The following TTC39C variants were observed in gnomAD, a reference collection of about 807,000 sequenced individuals.
TTC39C encodes tetratricopeptide repeat protein 39C.
Under a neutral mutation model 76.3 loss-of-function variants are expected in TTC39C, and 33 were observed. The ratio of observed to expected loss-of-function variants is 0.43; its 90% CI spans 0.33 to 0.58. The LOEUF is 0.58. Among genes scored for constraint, TTC39C ranks in the 20% least tolerant of loss-of-function variants. The pLI, the probability that TTC39C is intolerant of heterozygous loss-of-function variation, is 0.04. For missense variants in TTC39C, 595 were observed against 701.4 expected, an observed-to-expected ratio of 0.85 and a Z score of 1.71; for synonymous variants, 254 against 260.6, an observed-to-expected ratio of 0.97 and a Z score of 0.24.
chr18:23,996,843 C>T (rs560878812), intron 1 of TTC39C, among the ~76,000 whole-genome samples: 1 of 152,340 alleles, frequency 6.6e-6, no homozygotes, highest in East Asian at 1.9e-4. Flanking sequence ...GGCACAGTGG[C>T]TCACGCCTGT....
chr18:24,119,744 A>T (rs1008519470), intron 8 of TTC39C, among the ~76,000 whole-genome samples: 2 of 152,178 alleles, frequency 1.3e-5, no homozygotes, highest in Admixed American at 1.3e-4. Flanking sequence ...TCTCAGATGA[A>T]AGTAGCAGCT....
intron 8 of TTC39C, among the ~76,000 whole-genome samples, chr18:24,121,901 G>A (rs905278044): frequency 2.6e-5 from 4 of 152,174 alleles, no homozygotes; most frequent in African/African-American, 9.7e-5. Context: ...ATTCTGGTTT[G>A]GAAATGTTAC....
chr18:24,105,952 T>C (rs1470361), intron 6 of TTC39C, among the ~76,000 whole-genome samples: 151,297 of 152,314 alleles, frequency 0.99, 75,153 homozygotes, highest in Middle Eastern at 1. Context: ...TTGCCATGTC[T>C]TGGCCTATGG....
At position 24,061,531 on chromosome 18, in the gene TTC39C, C is replaced by T. The variant is rs572603406; in HGVS notation, c.168-2609C>T. Among the ~76,000 whole-genome samples, 163 of 142,068 alleles carry T rather than the reference C, an allele frequency of 1.1e-3. 1 individual carries two copies. The highest frequency in any genetic ancestry group is 7.2e-4 in the Non-Finnish European group (48 of 66,262). 93.2% of individuals were successfully genotyped at this position (142,068 alleles called of 152,430 possible). ...AATGCATTTTGTGTAGAGACACATG[C>T]ATGGTCCACAACTGATTAGGATGCA... On this transcript the variant is annotated intron_variant, in intron 1 of 13. Coordinates refer to ENST00000317571, the MANE Select transcript of TTC39C (RefSeq NM_001135993.2).
At chr18:24,128,342 A>C (rs1027928213) in intron 10 of TTC39C, among the ~76,000 whole-genome samples, 3 of 151,724 alleles carry the variant, frequency 2.0e-5, no homozygotes, top group Non-Finnish European at 4.4e-5. Context: ...TCTATTCTTC[A>C]CATTTACCTC....
At position 24,113,528 on chromosome 18, in the gene TTC39C, C is replaced by G. The variant is rs2084844932; in HGVS notation, c.985-1026C>G. The G allele has an allele frequency of 2.9e-5, 20 of 698,856 alleles. No homozygotes were observed. In the East Asian group the frequency reaches 5.4e-4, roughly 19 times the overall value. The allele number at this position is 698,856 out of a possible 1,614,324, so 43.3% of individuals were successfully genotyped here. On this transcript the variant is annotated intron_variant, in intron 6 of 13. Coordinates refer to ENST00000317571, the MANE Select transcript of TTC39C (RefSeq NM_001135993.2). ...GCAGCAGGAGACGCACCTGGAAGCC[C>G]AGGGGAGGGAAGTCCACCTCCCTGC...
chr18:24,096,792 A>T (rs1433845504), intron 6 of TTC39C, among the ~76,000 whole-genome samples: 1 of 152,196 alleles, frequency 6.6e-6, no homozygotes, highest in African/African-American at 2.4e-5. Context: ...TCATTGACAA[A>T]TGGAATTAAA....
chr18:24,008,850 C>T (rs118016448), intron 1 of TTC39C, among the ~76,000 whole-genome samples: 2,036 of 152,280 alleles, frequency 0.013, 25 homozygotes, highest in Non-Finnish European at 0.017. Flanking sequence ...ACATATATAC[C>T]GTGGAATACC....
intron 1 of TTC39C, among the ~76,000 whole-genome samples, chr18:24,046,115 T>G (rs1390990103): frequency 2.6e-5 from 4 of 151,144 alleles, no homozygotes; most frequent in Non-Finnish European, 5.9e-5. Flanking sequence ...ATTTTTTGTA[T>G]TTTTAGTAGA....
In TTC39C at chr18:24,005,218, C is replaced by T. The variant is rs151030620; in HGVS notation, c.-17+12180C>T. ...GCCTTGGGAAAGTTATTAAACTTGT[C>T]TTTCTCCTCACATCTTTAAACTTGG... On this transcript the variant is annotated intron_variant, in intron 1 of 13. Coordinates refer to the TTC39C transcript ENST00000304621. Among the ~76,000 whole-genome samples, 833 of 152,294 alleles carry T rather than the reference C, an allele frequency of 5.5e-3. 8 individuals are homozygous for T. The highest frequency in any genetic ancestry group is 0.019 in the African/African-American group (781 of 41,570).
chr18:24,025,715 G>A (rs2083591413), intron 1 of TTC39C, among the ~76,000 whole-genome samples: 1 of 152,166 alleles, frequency 6.6e-6, no homozygotes, highest in African/African-American at 2.4e-5. Flanking sequence ...TTTGCAAAAT[G>A]TCTCCATTGA....
chr18:24,070,582 C>T (rs1407692837), intron 4 of TTC39C, among the ~76,000 whole-genome samples: 1 of 152,178 alleles, frequency 6.6e-6, no homozygotes, highest in East Asian at 1.9e-4. Context: ...CCTTGGCTCA[C>T]ACTTGTAATC....
At chr18:24,038,716 G>T (rs1472884405) in intron 1 of TTC39C, among the ~76,000 whole-genome samples, 1 of 152,188 alleles carries the variant, frequency 6.6e-6, no homozygotes, top group East Asian at 1.9e-4. Flanking sequence ...TTTTCTCACA[G>T]TTCTAGAGTC....
Position 24,125,458 on chromosome 18 carries a change from A to C in TTC39C, c.1328A>C (p.Lys443Thr). The change falls in exon 10 of 14, where the codon AAA becomes ACA. Residue 443 changes from lysine (K) to threonine (T), a missense_variant. Transcript: ENST00000317571. ...CGATTTCGGAAGCAAACCCCAACCA[A>C]AGCGCTCTGTGTGTTGGCGTCTATT... ...AERFRKQTPT[K>T]ALCVLASIEV... The C allele has an allele frequency of 6.2e-7, 1 of 1,614,090 alleles. No homozygotes were observed. The highest frequency in any genetic ancestry group is 1.1e-5 in the South Asian group (1 of 91,072).
intron 6 of TTC39C, among the ~76,000 whole-genome samples, chr18:24,093,105 G>A (rs957576087): frequency 7.2e-5 from 11 of 152,290 alleles, no homozygotes; most frequent in African/African-American, 2.4e-4. Flanking sequence ...TACTCTATGA[G>A]TATTCTAAAG....
intron 4 of TTC39C, among the ~76,000 whole-genome samples, chr18:24,079,703 G>A (rs1035676415): frequency 1.3e-5 from 2 of 151,882 alleles, no homozygotes; most frequent in Non-Finnish European, 2.9e-5. Context: ...ATAATAAACT[G>A]GCTATTTGTT....
chr18:24,129,287 G>C (rs1355603436), intron 11 of TTC39C, among the ~76,000 whole-genome samples: 1 of 152,178 alleles, frequency 6.6e-6, no homozygotes, highest in Non-Finnish European at 1.5e-5. Flanking sequence ...AGTTTTGAAG[G>C]AGCGGAGTGA....
intron 1 of TTC39C, among the ~76,000 whole-genome samples, chr18:24,055,982 C>A (rs1355851387): frequency 6.6e-6 from 1 of 152,180 alleles, no homozygotes; most frequent in African/African-American, 2.4e-5. Context: ...CCTTAAAACC[C>A]ATTTTTGATG....
In TTC39C at chr18:24,125,543, G is replaced by T. The variant is rs1487723428; in HGVS notation, c.1413G>T (p.Met471Ile). 6.2e-7 allele frequency: 1 copy of T among 1,614,160 alleles called. No individual in the cohort carries two copies. ...PNCSFPNLQR[M>I]SQACHEVDDS... Reference sequence around the variant, plus strand: ...GTTCCTTCCCCAACCTGCAGAGGATGAGTCAAGGTAAAAAATTTAAAAAAA... The same window carrying T: ...GTTCCTTCCCCAACCTGCAGAGGATTAGTCAAGGTAAAAAATTTAAAAAAA... Residue 471 changes from methionine to isoleucine, a missense_variant, in exon 10 of 14, where the codon ATG becomes ATT. Met to Ile is a conservative substitution (Grantham distance 10). Transcript: ENST00000317571.
Sources: gnomAD v4.1 joint callset for allele counts (sites outside exome capture counted in the v4.1 genomes callset) on GRCh38, gnomAD v4.1.1 for gene constraint, MANE v1.5 for transcripts, NCBI Gene and HGNC (gene_info 2026-07-23, HGNC 2026-07-21) for gene names.